RBFOX1: variants seen among roughly 807,000 people sequenced by gnomAD.
The protein encoded by RBFOX1 is RNA binding protein fox-1 homolog 1.
RBFOX1 carries 8 observed loss-of-function variants against 57.7 expected under a neutral mutation model. That is an observed-to-expected ratio of 0.14 (90% CI 0.08 to 0.25). The LOEUF is 0.25. Ranked by LOEUF, RBFOX1 falls within the 10% of genes least tolerant of loss-of-function variation. The pLI is 1.00. For missense variants in RBFOX1, 611 were observed against 548.5 expected (o/e 1.11, Z -1.14); for synonymous variants, 326 against 222.4 (o/e 1.47, Z -4.15).
chr16:6,825,146 C>G (rs543164967), intron 3 of RBFOX1, among the ~76,000 whole-genome samples: 1 of 151,082 alleles, frequency 6.6e-6, no homozygotes, highest in Admixed American at 6.6e-5. Context: ...AACAACCTCA[C>G]TCAGCACCCT....
intron 4 of RBFOX1, among the ~76,000 whole-genome samples, chr16:5,909,089 C>CT (rs1168067500): frequency 0.065 from 5,156 of 78,888 alleles, 176 homozygotes; most frequent in Non-Finnish European, 0.08. Flanking sequence ...ACTAAGCCCC[C>CT]CTTTTTTTTT....
intron 4 of RBFOX1, among the ~76,000 whole-genome samples, chr16:7,286,174 T>C (rs1192985826): frequency 6.6e-6 from 1 of 152,214 alleles, no homozygotes; most frequent in Admixed American, 6.5e-5. Flanking sequence ...AAATAATTTA[T>C]GTAAATCATG....
chr16:7,158,222 T>C (rs2077540882), intron 4 of RBFOX1, among the ~76,000 whole-genome samples: 2 of 152,038 alleles, frequency 1.3e-5, no homozygotes, highest in African/African-American at 4.8e-5. Flanking sequence ...GGTGGGCTCC[T>C]GTAATCCCAG....
intron 4 of RBFOX1, among the ~76,000 whole-genome samples, chr16:5,925,975 T>A (rs1473506823): frequency 2.0e-5 from 3 of 152,062 alleles, no homozygotes; most frequent in East Asian, 3.9e-4. Flanking sequence ...CTATTGTCTA[T>A]TGTCCTCTGT....
intron 3 of RBFOX1, among the ~76,000 whole-genome samples, chr16:5,657,878 T>C (rs116090387): frequency 0.06 from 9,155 of 151,464 alleles, 708 homozygotes; most frequent in East Asian, 0.19. Context: ...ATTACAGGCA[T>C]CCACAACAAC....
chr16:6,385,758 C>T (rs993341280), intron 2 of RBFOX1, among the ~76,000 whole-genome samples: 11 of 152,218 alleles, frequency 7.2e-5, no homozygotes, highest in African/African-American at 2.7e-4. Flanking sequence ...GTCACGTCTA[C>T]ACATCGTATT....
chr16:7,425,896 C>G (rs986505170), intron 4 of RBFOX1, among the ~76,000 whole-genome samples: 1 of 152,106 alleles, frequency 6.6e-6, no homozygotes, highest in Non-Finnish European at 1.5e-5. Flanking sequence ...CGAAATGTAT[C>G]ATTTTTTCCC....
intron 3 of RBFOX1, among the ~76,000 whole-genome samples, chr16:6,960,034 C>A (rs968339689): frequency 6.6e-6 from 1 of 152,132 alleles, no homozygotes; most frequent in African/African-American, 2.4e-5. Context: ...TAGGCCTTTC[C>A]TAGGCCTTGA....
chr16:6,077,917 C>G (rs1205756362), intron 1 of RBFOX1, among the ~76,000 whole-genome samples: 1 of 152,044 alleles, frequency 6.6e-6, no homozygotes, highest in East Asian at 1.9e-4. Flanking sequence ...ATTGGAAGGA[C>G]TCCTCTCATG....
intron 2 of RBFOX1, among the ~76,000 whole-genome samples, chr16:5,522,851 A>C (rs567135152): frequency 6.6e-6 from 1 of 152,160 alleles, no homozygotes; most frequent in African/African-American, 2.4e-5. Flanking sequence ...TTCTATCCCA[A>C]CTGCTAAAAT....
At chr16:5,700,896 C>A (rs1251988103) in intron 3 of RBFOX1, among the ~76,000 whole-genome samples, 2 of 152,182 alleles carry the variant, frequency 1.3e-5, no homozygotes, top group African/African-American at 4.8e-5. Context: ...AGGAGCTGAG[C>A]ATGCTGTGGT....
intron 4 of RBFOX1, among the ~76,000 whole-genome samples, chr16:5,869,825 G>A (rs899431719): frequency 6.6e-6 from 1 of 152,150 alleles, no homozygotes; most frequent in Non-Finnish European, 1.5e-5. Context: ...CTACTTGTAT[G>A]CCCAAGAGAA....
At chr16:6,565,657 C>T (rs546231708) in intron 2 of RBFOX1, among the ~76,000 whole-genome samples, 11 of 130,598 alleles carry the variant, frequency 8.4e-5, no homozygotes, top group African/African-American at 1.7e-4. Flanking sequence ...TTAGTAGAGA[C>T]GGGGGTTTCA....
chr16:6,583,651 G>C (rs1349248334), intron 2 of RBFOX1, among the ~76,000 whole-genome samples: 1 of 152,182 alleles, frequency 6.6e-6, no homozygotes, highest in Admixed American at 6.5e-5. Context: ...TTTTGTCAAG[G>C]TAACTAGGTA....
At chr16:5,993,393 GAGAGAC>G (rs781416610) in intron 4 of RBFOX1, among the ~76,000 whole-genome samples, 3,882 of 141,040 alleles carry the variant, frequency 0.028, 222 homozygotes, top group East Asian at 0.26. Flanking sequence ...GTGAGAGAGA[GAGAGAC>G]AGAGAGAGAG....
chr16:5,559,626 T>C (rs1347209379), intron 2 of RBFOX1, among the ~76,000 whole-genome samples: 1 of 152,186 alleles, frequency 6.6e-6, no homozygotes, highest in South Asian at 2.1e-4. Flanking sequence ...CCTGGGACCT[T>C]GATACCACTC....
chr16:6,172,705 C>T (rs1033127781), intron 1 of RBFOX1, among the ~76,000 whole-genome samples: 6 of 152,160 alleles, frequency 3.9e-5, no homozygotes, highest in African/African-American at 1.2e-4. Flanking sequence ...ATCAGGATCA[C>T]ACATATAGAG....
intron 3 of RBFOX1, among the ~76,000 whole-genome samples, chr16:5,831,092 C>T (rs1040979104): frequency 1.3e-5 from 2 of 152,164 alleles, no homozygotes; most frequent in African/African-American, 2.4e-5. Context: ...TTTAACAGTA[C>T]GTGCCACAGA....
rs898439526 is a variant in RBFOX1 at position 5,674,837 on chromosome 16, C to T, written c.318+75876C>T. On this transcript the variant is annotated intron_variant, in intron 3 of 19. Coordinates refer to the RBFOX1 transcript ENST00000641259. ...TAATGCTGGTCTGGCGCACGTAGTA[C>T]GTTATGTAAAAATAGCACATTGTGG... Among the ~76,000 whole-genome samples the T allele has an allele frequency of 1.9e-4, 29 of 152,068 alleles. 1 individual carries two copies. Among genetic ancestry groups the T allele is most frequent in the Admixed American group, 9.8e-4 (15 of 15,258 alleles).
Sources: allele counts gnomAD v4.1 joint callset (sites outside exome capture counted in the v4.1 genomes callset), GRCh38; gene constraint gnomAD v4.1.1; transcripts MANE v1.5; gene names NCBI Gene and HGNC (gene_info 2026-07-23, HGNC 2026-07-21).